SCN7A: variants seen among roughly 807,000 people sequenced by gnomAD.
SCN7A encodes the protein sodium channel protein type 7 subunit alpha.
In SCN7A, 138 loss-of-function variants were observed where a neutral mutation model predicts 155.2. That is an observed-to-expected ratio of 0.89 (90% CI 0.77 to 1.02). The LOEUF (loss-of-function observed/expected upper bound fraction) is 1.02. Ranked by LOEUF, SCN7A falls within the 50% of genes least tolerant of loss-of-function variation. The pLI, the probability that SCN7A is intolerant of heterozygous loss-of-function variation, is 0.00. For missense variants in SCN7A, 2,058 were observed against 1,986.6 expected, an observed-to-expected ratio of 1.04 and a Z score of -0.68; for synonymous variants, 693 against 649.0, an observed-to-expected ratio of 1.07 and a Z score of -1.03.
intron 19 of SCN7A, among the ~76,000 whole-genome samples, chr2:166,422,505 C>G (rs6734137): frequency 0.012 from 1,834 of 152,170 alleles, 44 homozygotes; most frequent in African/African-American, 0.038. Context: ...GGCATCAATG[C>G]CAGCCAAGGT....
chr2:166,470,710 T>A lies in SCN7A; in HGVS notation c.573-4A>T. The A allele has an allele frequency of 6.3e-7, 1 of 1,595,788 alleles. No individual in the cohort carries two copies. Among genetic ancestry groups the A allele is most frequent in the Non-Finnish European group, 8.5e-7 (1 of 1,170,312 alleles). On this transcript the variant is annotated splice_polypyrimidine_tract_variant and splice_region_variant and intron_variant, in intron 6 of 25. Transcript: ENST00000643258. ...AGGTGAGTATCTTATAATAACCCTG[T>A]GGAATTAAATTAGAGTTACTTAAAA... is the stretch of plus-strand genomic sequence containing the variant.
chr2:166,408,630 C>A (rs1701128198), intron 25 of SCN7A, among the ~76,000 whole-genome samples: 1 of 151,878 alleles, frequency 6.6e-6, no homozygotes, highest in Non-Finnish European at 1.5e-5. Flanking sequence ...TTTCTGATAG[C>A]TTCTTCTTTT....
At chr2:166,423,620 C>A (rs1011436610) in intron 18 of SCN7A, among the ~76,000 whole-genome samples, 188 bp from the exon 19 acceptor site, 81 of 151,932 alleles carry the variant, frequency 5.3e-4, no homozygotes, top group African/African-American at 1.9e-3. Context: ...ATTATTTGAC[C>A]CCATGCCTAC....
At chr2:166,483,098 C>G (rs917690929) in intron 2 of SCN7A, among the ~76,000 whole-genome samples, 3 of 151,844 alleles carry the variant, frequency 2.0e-5, no homozygotes, top group African/African-American at 7.3e-5. Context: ...ATTCATTGTA[C>G]CAATATTTTA....
Position 166,441,739 on chromosome 2 carries a change from T to G in SCN7A, c.1814A>C (p.Lys605Thr). ...LRLFRMLRIF[K>T]LGKYWPTFQI... ...GAATGTTGGCCAATACTTTCCCAAC[T>G]TGAAAATTCTTAACTAATAGAGCAA... Residue 605 changes from lysine (K) to threonine (T), a missense_variant, in exon 15 of 26, where the codon AAG becomes ACG. By Grantham distance (78) the Lys-to-Thr change is moderately conservative. Transcript: ENST00000643258. 6.3e-7 allele frequency: 1 copy of G among 1,598,740 alleles called. No individual in the cohort carries two copies. The highest frequency in any genetic ancestry group is 8.5e-7 in the Non-Finnish European group (1 of 1,173,984).
At chr2:166,442,560 A>ATT (rs77796012) in intron 14 of SCN7A, among the ~76,000 whole-genome samples, 2 of 150,472 alleles carry the variant, frequency 1.3e-5, no homozygotes, top group African/African-American at 4.9e-5. Context: ...CTAATTTTTT[A>ATT]TTTTTTTTTA....
At chr2:166,476,098 C>T (rs1475837897) in intron 3 of SCN7A, among the ~76,000 whole-genome samples, 2 of 151,766 alleles carry the variant, frequency 1.3e-5, no homozygotes, top group Non-Finnish European at 2.9e-5. Context: ...GAGATGAGGG[C>T]CTAACTTATA....
chr2:166,454,596 G>A (rs959181506), intron 11 of SCN7A, among the ~76,000 whole-genome samples: 3 of 152,064 alleles, frequency 2.0e-5, no homozygotes, highest in African/African-American at 4.8e-5. Flanking sequence ...ATTCCACTTC[G>A]TGGCAGAGTG....
intron 15 of SCN7A, among the ~76,000 whole-genome samples, chr2:166,433,877 C>T (rs1025398562): frequency 1.1e-4 from 17 of 152,086 alleles, no homozygotes; most frequent in African/African-American, 3.9e-4. Context: ...AGACTCATTC[C>T]TAACACTTGT....
chr2:166,417,231 T>C lies in SCN7A; in HGVS notation c.3136-246A>G, dbSNP rs1186756141. On this transcript the variant is annotated intron_variant, in intron 20 of 25. Coordinates refer to ENST00000643258, the MANE Select transcript of SCN7A (RefSeq NM_002976.4). ...GCTCACGCCTGTAATCCCAGCACTT[T>C]GGGAGGCTGAGGCGGGTGGATCACC... Among the ~76,000 whole-genome samples the C allele has an allele frequency of 2.6e-5, 4 of 152,188 alleles. 1 individual carries two copies. The highest frequency in any genetic ancestry group is 4.4e-5 in the Non-Finnish European group (3 of 68,034).
chr2:166,441,124 A>G (rs759873554), intron 15 of SCN7A: 1 of 436,498 alleles, frequency 2.3e-6, no homozygotes, highest in Non-Finnish European at 4.0e-6. Flanking sequence ...CTATATTATC[A>G]TTAAAAAATG....
intron 25 of SCN7A, among the ~76,000 whole-genome samples, chr2:166,408,020 T>C (rs1194717493): frequency 6.6e-6 from 1 of 151,980 alleles, no homozygotes; most frequent in Non-Finnish European, 1.5e-5. Flanking sequence ...TGGCTAAATC[T>C]GGCTCTATCT....
At position 166,405,765 on chromosome 2, in the gene SCN7A, G is replaced by T. The variant is rs571278405; in HGVS notation, c.4864C>A (p.Arg1622=). 1 of 1,612,834 alleles carries T rather than the reference G, an allele frequency of 6.2e-7. No homozygotes were observed. The highest frequency in any genetic ancestry group is 1.3e-5 in the African/African-American group (1 of 74,934). The change falls in exon 26 of 26, where the codon CGA becomes AGA. Residue 1622 remains arginine, a synonymous_variant. Coordinates refer to ENST00000643258, the MANE Select transcript of SCN7A (RefSeq NM_002976.4). ...TCEPITTTLK[R]KQEAVSATII... is the part of the protein sequence containing the mutation. ...GTTGCTGAAACTGCCTCTTGTTTTC[G>T]TTTCAAAGTAGTCGTAATTGGCTCA...
Position 166,406,248 on chromosome 2 carries a change from G to T in SCN7A, c.4381C>A (p.Gln1461Lys), listed in dbSNP as rs1398176747. Residue 1461 changes from glutamine (Q) to lysine (K), a missense_variant, in exon 26 of 26, where the codon CAA becomes AAA. Physicochemically the swap from Gln to Lys is moderately conservative, Grantham distance 53. Coordinates refer to ENST00000643258, the MANE Select transcript of SCN7A (RefSeq NM_002976.4). ...CDPDKINPGT[Q>K]VRGDCGNPSV... is the part of the protein sequence containing the mutation. Reference sequence around the variant, plus strand: ...GGGTTCCCACAATCTCCTCTAACTTGAGTCCCAGGGTTAATTTTATCAGGA... The same window carrying T: ...GGGTTCCCACAATCTCCTCTAACTTTAGTCCCAGGGTTAATTTTATCAGGA... The T allele has an allele frequency of 1.9e-6, 3 of 1,613,110 alleles. No individual in the cohort carries two copies. The highest frequency in any genetic ancestry group is 1.7e-4 in the Middle Eastern group (1 of 6,054).
intron 1 of SCN7A, among the ~76,000 whole-genome samples, chr2:166,493,508 GCCTC>G (rs1171656367): frequency 2.0e-5 from 3 of 152,120 alleles, no homozygotes. Flanking sequence ...TCACATCAAT[GCCTC>G]TACTTTTATA....
chr2:166,427,450 T>C (rs1403973665), intron 18 of SCN7A, among the ~76,000 whole-genome samples: 3 of 151,984 alleles, frequency 2.0e-5, no homozygotes, highest in African/African-American at 7.2e-5. Flanking sequence ...GATGTGCAAA[T>C]CATTAAAATG....
chr2:166,490,167 C>G (rs970396927), intron 1 of SCN7A, among the ~76,000 whole-genome samples: 1 of 151,986 alleles, frequency 6.6e-6, no homozygotes, highest in African/African-American at 2.4e-5. Flanking sequence ...TTAACTATCA[C>G]CATCATGATG....
intron 7 of SCN7A, 25 bp from the exon 8 acceptor site, chr2:166,466,012 G>T: frequency 6.5e-7 from 1 of 1,549,420 alleles, no homozygotes; most frequent in Non-Finnish European, 8.8e-7. Flanking sequence ...ATTTGTTTTC[G>T]AAATAATGTA....
intron 1 of SCN7A, among the ~76,000 whole-genome samples, chr2:166,492,089 A>G (rs1357356722): frequency 1.3e-5 from 2 of 152,050 alleles, no homozygotes; most frequent in Non-Finnish European, 2.9e-5. Context: ...GTGAGAGTGT[A>G]TATCCGCTAC....
Sources: allele counts gnomAD v4.1 joint callset (sites outside exome capture counted in the v4.1 genomes callset), GRCh38; gene constraint gnomAD v4.1.1; transcripts MANE v1.5; gene names NCBI Gene and HGNC (gene_info 2026-07-23, HGNC 2026-07-21).